The following NALF1 variants were observed in gnomAD, a reference collection of about 807,000 sequenced individuals.
The protein encoded by NALF1 is NALCN channel auxiliary factor 1.
A neutral mutation model predicts 48.4 loss-of-function variants in NALF1; 3 were observed. The ratio of observed to expected loss-of-function variants is 0.06; its 90% CI spans 0.03 to 0.16. The LOEUF (loss-of-function observed/expected upper bound fraction) is 0.16, where lower values mean the gene tolerates loss of function less well. Among genes scored for constraint, NALF1 ranks in the 10% least tolerant of loss-of-function variants. The pLI is 1.00. For synonymous variants in NALF1, 262 were observed against 245.7 expected, an observed-to-expected ratio of 1.07 and a Z score of -0.62; for missense variants, 526 against 571.5, an observed-to-expected ratio of 0.92 and a Z score of 0.81.
At chr13:107,236,469 C>G (rs892610637) in intron 1 of NALF1, among the ~76,000 whole-genome samples, 2 of 152,120 alleles carry the variant, frequency 1.3e-5, no homozygotes, top group Non-Finnish European at 2.9e-5. Flanking sequence ...AGTCCAGAGA[C>G]AGCAGATCTC....
rs943602598 is a variant in NALF1 at position 107,633,966 on chromosome 13, C to T, written c.915+231716G>A. Among the ~76,000 whole-genome samples the T allele has an allele frequency of 2.2e-5, 3 of 137,812 alleles. No individual in the cohort carries two copies. The East Asian group carries it at 7.4e-4, about 34-fold the overall frequency. The allele number at this position is 137,812 out of a possible 152,430, so 90.4% of individuals were successfully genotyped here. A position where few individuals can be genotyped will look rare whatever the true frequency, so the allele number is the denominator to read the frequency against. ...TATTCTGTATATATGGATATACATA[C>T]ATACATCCTGTTTTACCAAATTGAT... On this transcript the variant is annotated intron_variant, in intron 1 of 2. Coordinates refer to ENST00000375915, the MANE Select transcript of NALF1 (RefSeq NM_001080396.3).
At chr13:107,470,899 C>T (rs1405071840) in intron 1 of NALF1, among the ~76,000 whole-genome samples, 1 of 152,142 alleles carries the variant, frequency 6.6e-6, no homozygotes, top group Non-Finnish European at 1.5e-5. Context: ...GTGACTTTCA[C>T]ATATTTTACA....
chr13:107,337,562 A>G (rs78834833), intron 1 of NALF1, among the ~76,000 whole-genome samples: 1,960 of 152,174 alleles, frequency 0.013, 16 homozygotes, highest in Non-Finnish European at 0.02. Flanking sequence ...CCTTCACATC[A>G]TGCCTGATAC....
chr13:107,545,724 G>C (rs956788698), intron 1 of NALF1, among the ~76,000 whole-genome samples: 10 of 152,100 alleles, frequency 6.6e-5, no homozygotes, highest in African/African-American at 2.4e-4. Context: ...GATGCTGGGA[G>C]AATGTGGGCA....
At chr13:107,327,784 T>A (rs1566486364) in intron 1 of NALF1, among the ~76,000 whole-genome samples, 1 of 152,184 alleles carries the variant, frequency 6.6e-6, no homozygotes, top group Non-Finnish European at 1.5e-5. Flanking sequence ...TGAACAGCCA[T>A]CAGATATTAA....
intron 1 of NALF1, among the ~76,000 whole-genome samples, chr13:107,340,383 C>T (rs147153999): frequency 0.013 from 1,982 of 151,676 alleles, 40 homozygotes; most frequent in African/African-American, 0.046. Context: ...TGAAGTGATC[C>T]GTTCGCTTCA....
chr13:107,254,632 T>C (rs1018800048), intron 1 of NALF1, among the ~76,000 whole-genome samples: 1 of 152,166 alleles, frequency 6.6e-6, no homozygotes, highest in Non-Finnish European at 1.5e-5. Context: ...CTTGTAAGCC[T>C]TGCCCTGGGT....
chr13:107,761,447 C>T (rs1594249455), intron 1 of NALF1, among the ~76,000 whole-genome samples: 2 of 152,096 alleles, frequency 1.3e-5, no homozygotes, highest in South Asian at 2.1e-4. Flanking sequence ...AAGGATATTC[C>T]TATATCTTAG....
chr13:107,851,810 T>TTC, intron 1 of NALF1, among the ~76,000 whole-genome samples: 1 of 142,690 alleles, frequency 7.0e-6, no homozygotes, highest in African/African-American at 2.6e-5. Flanking sequence ...CCTTTCTTTT[T>TTC]TTTTTTTTTT....
intron 1 of NALF1, among the ~76,000 whole-genome samples, chr13:107,325,871 TATATATATATATATATAC>T (rs1017567493): frequency 9.4e-5 from 9 of 95,284 alleles, no homozygotes; most frequent in Admixed American, 5.9e-4. Context: ...TATATATATA[TATATATATATATATATAC>T]ACACACACAC....
At chr13:107,520,002 T>C (rs907207428) in intron 1 of NALF1, among the ~76,000 whole-genome samples, 3 of 152,214 alleles carry the variant, frequency 2.0e-5, no homozygotes, top group Non-Finnish European at 4.4e-5. Flanking sequence ...ATTGCGGAAG[T>C]AAAATGAATG....
rs768301411 is a variant in NALF1, at chr13:107,823,150, G to C, written c.915+42532C>G. ...AGTATCTACCTCTTTCCACTATTTA[G>C]AATAGTCAGTTACCCTCCTCATTTG... is the stretch of plus-strand genomic sequence containing the variant. On this transcript the variant is annotated intron_variant, in intron 1 of 2. Transcript: ENST00000375915. 7.9e-5 allele frequency among the ~76,000 whole-genome samples: 12 copies of C among 152,148 alleles called. No individual in the cohort carries two copies. The South Asian group carries it at 1.5e-3, about 18-fold the overall frequency.
At chr13:107,858,503 AT>A (rs985557289) in intron 1 of NALF1, among the ~76,000 whole-genome samples, 2 of 152,194 alleles carry the variant, frequency 1.3e-5, no homozygotes, top group African/African-American at 4.8e-5. Flanking sequence ...CCTGGCCAAC[AT>A]TTGGAAACCC....
At chr13:107,688,509 A>G (rs573393399) in intron 1 of NALF1, among the ~76,000 whole-genome samples, 1 of 152,368 alleles carries the variant, frequency 6.6e-6, no homozygotes, top group Admixed American at 6.5e-5. Flanking sequence ...TGAACAGTAT[A>G]AAATGTGTCA....
At chr13:107,444,851 G>A (rs1714423846) in intron 1 of NALF1, among the ~76,000 whole-genome samples, 1 of 151,990 alleles carries the variant, frequency 6.6e-6, no homozygotes, top group Admixed American at 6.6e-5. Flanking sequence ...CTACTTTTAG[G>A]TAGTTTCAAC....
At chr13:107,853,319 A>G (rs963323345) in intron 1 of NALF1, among the ~76,000 whole-genome samples, 10 of 152,222 alleles carry the variant, frequency 6.6e-5, no homozygotes, top group Non-Finnish European at 1.2e-4. Flanking sequence ...GTGATTTACC[A>G]TATTTCTGAG....
At chr13:107,232,103 C>T (rs1027604154) in intron 1 of NALF1, among the ~76,000 whole-genome samples, 18 of 152,296 alleles carry the variant, frequency 1.2e-4, no homozygotes, top group East Asian at 1.2e-3. Flanking sequence ...AATGGAGAGA[C>T]GATATGTACG....
At chr13:107,351,843 A>G (rs1882881986) in intron 1 of NALF1, among the ~76,000 whole-genome samples, 1 of 152,210 alleles carries the variant, frequency 6.6e-6, no homozygotes, top group Admixed American at 6.5e-5. Context: ...TTTCTTAGAA[A>G]GGCTTGCAGC....
rs1394956849 is a variant in NALF1 at position 107,274,922 on chromosome 13, T to G, written c.916-64167A>C. Among the ~76,000 whole-genome samples, 3 of 152,232 alleles carry G rather than the reference T, an allele frequency of 2.0e-5. No homozygotes were observed. In the East Asian group the frequency reaches 5.8e-4, roughly 30 times the overall value. ...ACAGAGGGAGGGATTTGAGAAATGTTGCCAAGAATTGGCACAATACTACTT... is the reference window on the plus strand; with the variant it reads ...ACAGAGGGAGGGATTTGAGAAATGTGGCCAAGAATTGGCACAATACTACTT... On this transcript the variant is annotated intron_variant, in intron 1 of 2. Coordinates refer to ENST00000375915, the MANE Select transcript of NALF1 (RefSeq NM_001080396.3).
Sources: allele counts gnomAD v4.1 joint callset (sites outside exome capture counted in the v4.1 genomes callset), GRCh38; gene constraint gnomAD v4.1.1; transcripts MANE v1.5; gene names NCBI Gene and HGNC (gene_info 2026-07-23, HGNC 2026-07-21).